Variants in TRPM2 observed in about 807,000 individuals in gnomAD.
TRPM2 encodes transient receptor potential cation channel subfamily M member 2.
Under a neutral mutation model 174.0 loss-of-function variants are expected in TRPM2, and 161 were observed. The observed-to-expected ratio is 0.93, with a 90% CI of 0.81 to 1.05. The LOEUF is 1.05. TRPM2 is among the 50% of genes least tolerant of loss of function. The pLI, the probability that TRPM2 is intolerant of heterozygous loss-of-function variation, is 0.00. For missense variants in TRPM2, 2,057 were observed against 2,038.0 expected, an observed-to-expected ratio of 1.01 and a Z score of -0.18; for synonymous variants, 954 against 861.3, an observed-to-expected ratio of 1.11 and a Z score of -1.88.
intron 9 of TRPM2, among the ~76,000 whole-genome samples, 157 bp from the exon 10 acceptor site, chr21:44,390,747 G>T (rs1175823384): frequency 2.0e-5 from 3 of 152,196 alleles, no homozygotes; most frequent in Non-Finnish European, 4.4e-5. Context: ...TTGCAAGGCT[G>T]TGTGTATGGG....
chr21:44,386,761 T>C (rs1048413210), intron 9 of TRPM2, among the ~76,000 whole-genome samples: 31 of 151,574 alleles, frequency 2.0e-4, no homozygotes, highest in African/African-American at 7.3e-4. Flanking sequence ...CTAAAATTCA[T>C]GTGGAGTCTA....
chr21:44,401,963 G>T (rs1338948928), intron 16 of TRPM2, 66 bp downstream of exon 16: 17 of 1,577,922 alleles, frequency 1.1e-5, no homozygotes, highest in Non-Finnish European at 1.4e-5. Flanking sequence ...TTCTCATAGG[G>T]GACCCATGGC....
rs535830691 is a variant in TRPM2 at position 44,422,459 on chromosome 21, A to G, written c.3462-1186A>G. ...CTTTTGTGGGATTAAGCAAAATGAA[A>G]TGTGGGTGAAAGGAGATGCCCAGGC... On this transcript the variant is annotated intron_variant, in intron 22 of 31. Coordinates refer to ENST00000397928, the MANE Select transcript of TRPM2 (RefSeq NM_003307.4). 3.1e-5 allele frequency: 47 copies of G among 1,532,688 alleles called. 1 individual carries two copies. The East Asian group carries it at 1.1e-3, about 37-fold the overall frequency. The allele number at this position is 1,532,688 out of a possible 1,614,324, so 94.9% of individuals were successfully genotyped here. A position where few individuals can be genotyped will look rare whatever the true frequency, so the allele number is the denominator to read the frequency against.
At position 44,430,491 on chromosome 21, in the gene TRPM2, G is replaced by A. The variant is rs1454835621; in HGVS notation, c.3974+3380G>A. 1.3e-3 allele frequency among the ~76,000 whole-genome samples: 11 copies of A among 8,180 alleles called. 5 individuals carry two copies. Among genetic ancestry groups the A allele is most frequent in the South Asian group, 6.7e-3 (2 of 298 alleles). The allele number at this position is 8,180 out of a possible 152,430, so 5.4% of individuals were successfully genotyped here. A position where few individuals can be genotyped will look rare whatever the true frequency, so the allele number is the denominator to read the frequency against. On this transcript the variant is annotated intron_variant, in intron 27 of 31. Transcript: ENST00000397928. The stretch of plus-strand genomic sequence containing the variant: ...AGGCCAGACTGCGGACTGCAGTGGC[G>A]CAATCTCGGCTCACTGCAAGCTCCG...
At chr21:44,408,895 A>G (rs1293384680) in intron 19 of TRPM2, among the ~76,000 whole-genome samples, 2 of 151,982 alleles carry the variant, frequency 1.3e-5, no homozygotes, top group Non-Finnish European at 2.9e-5. Flanking sequence ...TGACCTCGTG[A>G]TCCACCCGCC....
chr21:44,427,282 G>A (rs1287395054), intron 27 of TRPM2, among the ~76,000 whole-genome samples, 171 bp downstream of exon 27: 1 of 152,212 alleles, frequency 6.6e-6, no homozygotes, highest in East Asian at 1.9e-4. Flanking sequence ...TAGCCCCCAG[G>A]ACTGGGCTTG....
chr21:44,382,914 G>A, intron 9 of TRPM2, 94 bp downstream of exon 9: 4 of 1,270,530 alleles, frequency 3.1e-6, no homozygotes, highest in Non-Finnish European at 4.4e-6. Context: ...ATGATTCTGG[G>A]AACCAGAATA....
chr21:44,367,727 T>A lies in TRPM2; in HGVS notation c.604+793T>A, dbSNP rs1394397703. ...GCTCTTCCTGGGGTCTGGGGTCTGG[T>A]CTTTGCCTCGCAGTGGAGTCGTAAC... On this transcript the variant is annotated intron_variant, in intron 4 of 31. Transcript: ENST00000397928. The surrounding 1 kb of genome is among the most constrained non-coding windows in gnomAD (Gnocchi z 4.6). Among the ~76,000 whole-genome samples the A allele has an allele frequency of 6.6e-6, 1 of 152,212 alleles. No individual in the cohort carries two copies. Among genetic ancestry groups the A allele is most frequent in the African/African-American group, 2.4e-5 (1 of 41,456 alleles).
intron 16 of TRPM2, among the ~76,000 whole-genome samples, chr21:44,402,706 G>C (rs2049665039): frequency 6.6e-6 from 1 of 152,200 alleles, no homozygotes; most frequent in South Asian, 2.1e-4. Flanking sequence ...CTGGAGCTGG[G>C]CGAGGCCAAG....
chr21:44,427,222 A>G (rs2050833353), intron 27 of TRPM2, 111 bp downstream of exon 27: 1 of 942,000 alleles, frequency 1.1e-6, no homozygotes, highest in South Asian at 1.7e-5. Context: ...AAATCAAAAA[A>G]AGCACGTGAG....
In TRPM2 at chr21:44,410,360, T is replaced by C. The variant is rs532946042; in HGVS notation, c.2963-3531T>C. 3.1e-4 allele frequency among the ~76,000 whole-genome samples: 26 copies of C among 84,746 alleles called. 3 individuals carry two copies. The highest frequency in any genetic ancestry group is 1.1e-3 in the African/African-American group (26 of 24,212). The allele number at this position is 84,746 out of a possible 152,430, so 55.6% of individuals were successfully genotyped here. On this transcript the variant is annotated intron_variant, in intron 19 of 31. Transcript: ENST00000397928. ...CACTGTCTTGGTTGGTGTAGCCTTG[T>C]AGTAAGTTTTGACCACACTGTCTTG... is the stretch of plus-strand genomic sequence containing the variant.
In TRPM2 at chr21:44,399,390, G is replaced by A. The variant is rs1401272114; in HGVS notation, c.2157G>A (p.Gln719=). The A allele has an allele frequency of 1.2e-6, 2 of 1,612,642 alleles. No homozygotes were observed. The highest frequency in any genetic ancestry group is 2.7e-5 in the African/African-American group (2 of 74,942). The change falls in exon 14 of 32, where the codon CAG becomes CAA. Residue 719 remains glutamine (Q), a synonymous_variant. Coordinates refer to ENST00000397928, the MANE Select transcript of TRPM2 (RefSeq NM_003307.4). The surrounding 1 kb of genome is among the most constrained non-coding windows in gnomAD (Gnocchi z 4.6). ...CCTGGGGGAAGACCACCTGCCTGCA[G>A]CTCGCCCTGGAGGCCAAGGACATGA... ...SEAWGKTTCL[Q]LALEAKDMKF... is the part of the protein sequence containing the mutation.
chr21:44,378,017 G>A (rs781106523), intron 7 of TRPM2, among the ~76,000 whole-genome samples: 14 of 152,248 alleles, frequency 9.2e-5, no homozygotes, highest in Non-Finnish European at 1.5e-4. Context: ...ATTGACCGGC[G>A]TGGAAGGAAA....
chr21:44,408,510 C>T (rs772277076), intron 19 of TRPM2, among the ~76,000 whole-genome samples: 3 of 151,934 alleles, frequency 2.0e-5, no homozygotes, highest in Non-Finnish European at 2.9e-5. Context: ...AAACAAAGCT[C>T]GCATCCCGGT....
rs1275870723 is a variant in TRPM2 at position 44,442,068 on chromosome 21, G to A, written c.*251G>A. 2.3e-6 allele frequency: 1 copy of A among 436,934 alleles called. No individual in the cohort carries two copies. Among genetic ancestry groups the A allele is most frequent in the Non-Finnish European group, 3.8e-6 (1 of 265,196 alleles). The allele number at this position is 436,934 out of a possible 1,614,324, so 27.1% of individuals were successfully genotyped here. A position where few individuals can be genotyped will look rare whatever the true frequency, so the allele number is the denominator to read the frequency against. On this transcript the variant is annotated 3_prime_UTR_variant, in exon 32 of 32. Transcript: ENST00000397928. Reference sequence around the variant, plus strand: ...CTACTCAGAGCTGAGGGGCCCCTGGGACCCTTGGCCATCAGGCGAGGGGCT... The same window carrying A: ...CTACTCAGAGCTGAGGGGCCCCTGGAACCCTTGGCCATCAGGCGAGGGGCT...
intron 9 of TRPM2, among the ~76,000 whole-genome samples, chr21:44,389,778 C>T (rs746284954): frequency 2.6e-5 from 4 of 151,956 alleles, no homozygotes; most frequent in East Asian, 1.9e-4. Flanking sequence ...TTTATATATT[C>T]GGATACAAAT....
Position 44,418,120 on chromosome 21 carries a change from C to T in TRPM2, c.3328+12C>T, listed in dbSNP as rs772639888. On this transcript the variant is annotated intron_variant, in intron 21 of 31. Transcript: ENST00000397928. ...GCACAAGCAGCTCAGTATGCCAGCC[C>T]CAGTGCCTCTCCTGAATGTCCTGGC... 1 of 1,604,138 alleles carries T rather than the reference C, an allele frequency of 6.2e-7. No individual in the cohort carries two copies. Among genetic ancestry groups the T allele is most frequent in the East Asian group, 2.2e-5 (1 of 44,696 alleles).
upstream of TRPM2, among the ~76,000 whole-genome samples, chr21:44,352,803 A>C (rs1022079180): frequency 1.2e-4 from 18 of 152,216 alleles, no homozygotes; most frequent in Non-Finnish European, 2.6e-4. Flanking sequence ...ATGAGAGAAA[A>C]AGATTCATTT....
chr21:44,382,880 G>T (rs143233827), intron 9 of TRPM2, 60 bp downstream of exon 9: 1 of 1,457,552 alleles, frequency 6.9e-7, no homozygotes, highest in South Asian at 1.2e-5. Flanking sequence ...CTCTGAGGAC[G>T]CCAAGTTCTA....
Sources: gnomAD v4.1 joint callset for allele counts (sites outside exome capture counted in the v4.1 genomes callset) on GRCh38, gnomAD v4.1.1 for gene constraint, Gnocchi (gnomAD v3.1) non-coding constraint, MANE v1.5 for transcripts, NCBI Gene and HGNC (gene_info 2026-07-23, HGNC 2026-07-21) for gene names.